The following ACSM2B variants were observed in gnomAD, a reference collection of about 807,000 sequenced individuals.
The protein encoded by ACSM2B is acyl-coenzyme A synthetase ACSM2B, mitochondrial.
Under a neutral mutation model 78.6 loss-of-function variants are expected in ACSM2B, and 58 were observed. The ratio of observed to expected loss-of-function variants is 0.74; its 90% CI spans 0.60 to 0.92. ACSM2B has a LOEUF of 0.92. ACSM2B is among the 40% of genes least tolerant of loss of function. The pLI, the probability that ACSM2B is intolerant of heterozygous loss-of-function variation, is 0.00. For synonymous variants in ACSM2B, 257 were observed against 256.8 expected (o/e 1.00, Z -0.01); for missense variants, 688 against 711.2 (o/e 0.97, Z 0.37).
chr16:20,559,740 G>A (rs1238008839), intron 2 of ACSM2B, among the ~76,000 whole-genome samples: 1 of 150,756 alleles, frequency 6.6e-6, no homozygotes, highest in Non-Finnish European at 1.5e-5. Flanking sequence ...TAATGATAAA[G>A]TGTACTTTTC....
In ACSM2B at chr16:20,555,354, C is replaced by A. The variant is rs749463090; in HGVS notation, c.511G>T (p.Ala171Ser). ...ATTCTCAGAGAAGGACATTCAGATG[C>A]CACTGTGTCCACTTCTTGGATGACT... is the stretch of plus-strand genomic sequence containing the variant. ...DEVIQEVDTV[A>S]SECPSLRIKL... The change falls in exon 4 of 14, where the codon GCA becomes TCA. Residue 171 changes from alanine to serine, a missense_variant. Ala to Ser is a moderately conservative substitution (Grantham distance 99). Transcript: ENST00000329697. 5.6e-6 allele frequency: 9 copies of A among 1,613,824 alleles called. No homozygotes were observed. The highest frequency in any genetic ancestry group is 6.8e-6 in the Non-Finnish European group (8 of 1,179,870).
intron 6 of ACSM2B, among the ~76,000 whole-genome samples, chr16:20,549,151 G>T (rs1468492820): frequency 6.6e-6 from 1 of 152,058 alleles, no homozygotes; most frequent in Non-Finnish European, 1.5e-5. Flanking sequence ...CAAGTAGTGG[G>T]ATCATTATTT....
chr16:20,545,181 A>T lies in ACSM2B; in HGVS notation c.1257T>A (p.Pro419=). ...CCACATAGCCAGAGAAGATGCCTAT[A>T]GGCCTGATGGGTTTGACCCTGATGC... The part of the protein sequence containing the change: ...DIGIRVKPIR[P]IGIFSGYVEN... Residue 419 remains proline (P), a synonymous_variant, in exon 10 of 14, where the codon CCT becomes CCA. Transcript: ENST00000329697. 1.2e-6 allele frequency: 2 copies of T among 1,613,744 alleles called. No individual in the cohort carries two copies. Among genetic ancestry groups the T allele is most frequent in the Non-Finnish European group, 1.7e-6 (2 of 1,179,728 alleles).
chr16:20,556,751 C>T (rs1332659317), intron 3 of ACSM2B, among the ~76,000 whole-genome samples: 1 of 152,190 alleles, frequency 6.6e-6, no homozygotes, highest in Non-Finnish European at 1.5e-5. Context: ...CACTGCACAC[C>T]TGTAAATATC....
chr16:20,540,080 T>G (rs969321129), intron 13 of ACSM2B, among the ~76,000 whole-genome samples: 1 of 152,234 alleles, frequency 6.6e-6, no homozygotes, highest in African/African-American at 2.4e-5. Context: ...ACAGGTAAGA[T>G]ACTGGCTAGA....
At chr16:20,570,526 T>C (rs539063133) in intron 1 of ACSM2B, among the ~76,000 whole-genome samples, 11 of 152,100 alleles carry the variant, frequency 7.2e-5, no homozygotes, top group East Asian at 1.9e-4. Flanking sequence ...AGTTTTCTTT[T>C]TTTGTTACAT....
intron 1 of ACSM2B, among the ~76,000 whole-genome samples, chr16:20,567,482 TATATATAAATAATATATAAA>T (rs1388051520): frequency 5.7e-5 from 5 of 88,158 alleles, no homozygotes; most frequent in Non-Finnish European, 9.6e-5. Context: ...AGTATAACAG[TATATATAAATAATATATAAA>T]ATATATAAAT....
intron 2 of ACSM2B, 105 bp from the exon 3 acceptor site, chr16:20,559,552 A>T (rs2015584339): frequency 4.9e-6 from 7 of 1,422,046 alleles, no homozygotes; most frequent in East Asian, 2.5e-5. Context: ...AAGGTTTTTT[A>T]TCTCAGCACC....
Position 20,537,341 on chromosome 16 carries a change from G to A in ACSM2B, c.1651C>T (p.Pro551Ser), listed in dbSNP as rs767730525. 3.2e-5 allele frequency: 51 copies of A among 1,614,000 alleles called. 1 individual carries two copies. The highest frequency in any genetic ancestry group is 3.4e-5 in the Non-Finnish European group (40 of 1,179,900). ...TGAATTTTCCCTGTGACAGTCTTGGGCAGGTTCAAGACAAACTCTATCTGT... is the reference window on the plus strand; with the variant it reads ...TGAATTTTCCCTGTGACAGTCTTGGACAGGTTCAAGACAAACTCTATCTGT... ...PRKIEFVLNL[P>S]KTVTGKIQRT... Residue 551 changes from proline to serine, a missense_variant, in exon 14 of 14, where the codon CCC (proline) becomes TCC (serine). Coordinates refer to ENST00000329697, the MANE Select transcript of ACSM2B (RefSeq NM_001105069.2).
chr16:20,575,039 T>C (rs931650412), intron 1 of ACSM2B, among the ~76,000 whole-genome samples: 3 of 150,974 alleles, frequency 2.0e-5, no homozygotes, highest in Admixed American at 1.3e-4. Flanking sequence ...CAAATGCATT[T>C]ATTTTGTATA....
chr16:20,537,417 A>G lies in ACSM2B; in HGVS notation c.1630-55T>C, dbSNP rs1022117850. ...GTGATCTGTGATGACAGTGGGTTGC[A>G]TTTTTCAGAACTGCTGTAGGGTGAG... is the stretch of plus-strand genomic sequence containing the variant. On this transcript the variant is annotated intron_variant, in intron 13 of 13. Transcript: ENST00000329697. 1.7e-4 allele frequency: 275 copies of G among 1,597,774 alleles called. 2 individuals are homozygous for G. Among genetic ancestry groups the G allele is most frequent in the Non-Finnish European group, 2.2e-4 (255 of 1,165,696 alleles).
At chr16:20,546,642 A>G in intron 8 of ACSM2B, 168 bp from the exon 9 acceptor site, 1 of 1,245,856 alleles carries the variant, frequency 8.0e-7, no homozygotes, top group Non-Finnish European at 1.1e-6. Flanking sequence ...CTGGAATCAC[A>G]ATCCTAGGGG....
chr16:20,547,998 T>C, intron 8 of ACSM2B, 64 bp downstream of exon 8: 1 of 1,597,252 alleles, frequency 6.3e-7, no homozygotes, highest in Non-Finnish European at 8.5e-7. Flanking sequence ...CATGTTTTAT[T>C]GTCAAAGAGA....
At chr16:20,559,018 T>A (rs1197083588) in intron 3 of ACSM2B, among the ~76,000 whole-genome samples, 3 of 152,228 alleles carry the variant, frequency 2.0e-5, no homozygotes, top group Admixed American at 6.5e-5. Context: ...GTAAGTCCCA[T>A]GAATATGTAA....
chr16:20,565,341 T>C (rs570971014), intron 1 of ACSM2B, among the ~76,000 whole-genome samples: 1 of 152,138 alleles, frequency 6.6e-6, no homozygotes, highest in Non-Finnish European at 1.5e-5. Context: ...CTACGGTTCA[T>C]CAGAAACTCT....
At chr16:20,545,668 G>C (rs1432163256) in intron 9 of ACSM2B, among the ~76,000 whole-genome samples, 1 of 152,148 alleles carries the variant, frequency 6.6e-6, no homozygotes, top group Non-Finnish European at 1.5e-5. Flanking sequence ...ATAAAACAGA[G>C]ATACTGACAG....
intron 3 of ACSM2B, among the ~76,000 whole-genome samples, chr16:20,556,682 T>C (rs936381231): frequency 2.0e-5 from 3 of 152,234 alleles, no homozygotes; most frequent in Non-Finnish European, 2.9e-5. Context: ...ATGCCCGTCC[T>C]GTTAAATAGC....
chr16:20,567,354 A>C (rs2015936162), intron 1 of ACSM2B, among the ~76,000 whole-genome samples: 1 of 51,086 alleles, frequency 2.0e-5, no homozygotes, highest in Non-Finnish European at 2.7e-5. Flanking sequence ...TAAATATATT[A>C]TATATTATAT....
In ACSM2B at chr16:20,566,668, A is replaced by ACT. The variant is rs1567218198; in HGVS notation, c.-8-1816_-8-1815insAG. ...TACTATACTATATATATGTATATAT[A>ACT]GTATATACATATAGTATATACTATA... On this transcript the variant is annotated intron_variant, in intron 1 of 13. Transcript: ENST00000329697. Among the ~76,000 whole-genome samples the ACT allele has an allele frequency of 4.9e-3, 197 of 40,406 alleles. 27 individuals carry two copies. The highest frequency in any genetic ancestry group is 0.023 in the African/African-American group (126 of 5,472). 26.5% of individuals were successfully genotyped at this position (40,406 alleles called of 152,430 possible).
Sources: gnomAD v4.1 joint callset for allele counts (sites outside exome capture counted in the v4.1 genomes callset) on GRCh38, gnomAD v4.1.1 for gene constraint, MANE v1.5 for transcripts, NCBI Gene and HGNC (gene_info 2026-07-23, HGNC 2026-07-21) for gene names.